Variants in KIF4A observed in about 807,000 individuals in gnomAD.
The protein encoded by KIF4A is chromosome-associated kinesin KIF4A.
Under a neutral mutation model 105.9 loss-of-function variants are expected in KIF4A, and 7 were observed. That is an observed-to-expected ratio of 0.07 (90% CI 0.04 to 0.12). The LOEUF (loss-of-function observed/expected upper bound fraction) is 0.12. KIF4A is among the 10% of genes least tolerant of loss of function. The pLI is 1.00. For missense variants in KIF4A, 558 were observed against 929.2 expected (o/e 0.60, Z 5.19); for synonymous variants, 281 against 331.3 (o/e 0.85, Z 1.65).
intron 25 of KIF4A, among the ~76,000 whole-genome samples, chrX:70,405,528 C>T (rs2086296829): frequency 9.0e-6 from 1 of 111,169 alleles, no homozygotes; most frequent in African/African-American, 3.3e-5. Context: ...AATCAGCATC[C>T]GAATGTGAAT....
chrX:70,389,746 A>G (rs746757472), intron 20 of KIF4A, among the ~76,000 whole-genome samples: 2 of 112,399 alleles, frequency 1.8e-5, no homozygotes, highest in Non-Finnish European at 3.8e-5. Flanking sequence ...CTATATGTCT[A>G]TTTTTATGCC....
intron 13 of KIF4A, among the ~76,000 whole-genome samples, chrX:70,352,226 A>G (rs957564870): frequency 8.9e-6 from 1 of 112,479 alleles, no homozygotes; most frequent in Admixed American, 9.4e-5. Context: ...TAATAGAGGT[A>G]TACTAAGCGG....
intron 7 of KIF4A, among the ~76,000 whole-genome samples, chrX:70,316,514 C>T (rs868421759): frequency 1.9e-3 from 177 of 90,787 alleles, no homozygotes; most frequent in Non-Finnish European, 3.1e-3. Context: ...ATACATATTA[C>T]ACATAAATAT....
At chrX:70,296,963 A>G in intron 3 of KIF4A, 35 bp from the exon 4 acceptor site, 1 of 1,171,264 alleles carries the variant, frequency 8.5e-7, no homozygotes. Flanking sequence ...GAAAATGTTT[A>G]AACACCACTA....
intron 15 of KIF4A, among the ~76,000 whole-genome samples, chrX:70,366,554 T>C (rs1245263605): frequency 1.8e-5 from 2 of 112,230 alleles, no homozygotes; most frequent in Non-Finnish European, 3.8e-5. Flanking sequence ...TTCCATGTAG[T>C]TGAGCAGTTT....
intron 15 of KIF4A, among the ~76,000 whole-genome samples, chrX:70,369,783 A>AAC (rs958534925): frequency 9.0e-6 from 1 of 111,262 alleles, no homozygotes; most frequent in African/African-American, 3.2e-5. Flanking sequence ...ATTTGGTATA[A>AAC]ACACACACGT....
intron 20 of KIF4A, among the ~76,000 whole-genome samples, chrX:70,392,858 A>ATT (rs1469429584): frequency 6.5e-4 from 62 of 95,621 alleles, no homozygotes; most frequent in South Asian, 2.7e-3. Flanking sequence ...TAATAATAAT[A>ATT]ATTATTATTA....
At chrX:70,396,751 T>C (rs760643547) in intron 22 of KIF4A, among the ~76,000 whole-genome samples, 65 of 112,306 alleles carry the variant, frequency 5.8e-4, no homozygotes, top group African/African-American at 2.0e-3. Flanking sequence ...ATTAGTAAAG[T>C]GCATAACAGT....
intron 15 of KIF4A, chrX:70,362,210 C>G (rs1375701557): frequency 3.1e-6 from 1 of 324,860 alleles, no homozygotes; most frequent in African/African-American, 2.7e-5. Context: ...CCAGATAGAC[C>G]TCTCTCTGGT....
chrX:70,367,377 A>C (rs2086109146), intron 15 of KIF4A, among the ~76,000 whole-genome samples: 1 of 111,666 alleles, frequency 9.0e-6, no homozygotes. Context: ...ATGTTTTTGC[A>C]GTGGCTGGTC....
In KIF4A at chrX:70,396,050, G is replaced by A; in HGVS notation, c.2489+1G>A. On this transcript the variant is annotated splice_donor_variant, in intron 22 of 30. Coordinates refer to ENST00000374403, the MANE Select transcript of KIF4A (RefSeq NM_012310.5). LOFTEE classifies it high-confidence loss of function. ...GCCTAGAGACTGAAATGGAATTCAG[G>A]TAACAGGGACTATCTCTAAGCCATT... 8.7e-7 allele frequency: 1 copy of A among 1,149,304 alleles called. No individual in the cohort carries two copies. Among genetic ancestry groups the A allele is most frequent in the Non-Finnish European group, 1.2e-6 (1 of 841,691 alleles). 94.7% of individuals were successfully genotyped at this position (1,149,304 alleles called of 1,213,427 possible).
chrX:70,393,959 G>T (rs1350655005), intron 20 of KIF4A, among the ~76,000 whole-genome samples: 1 of 99,834 alleles, frequency 1.0e-5, no homozygotes, highest in Non-Finnish European at 2.0e-5. Context: ...TTAACCTCTT[G>T]GGCTCAAATG....
chrX:70,376,644 G>A, intron 18 of KIF4A, among the ~76,000 whole-genome samples: 1 of 111,980 alleles, frequency 8.9e-6, no homozygotes, highest in Admixed American at 9.5e-5. Context: ...CAGATAGATA[G>A]ATCAAAGAAA....
chrX:70,400,311 ATGATTTCCAATTT>A (rs1275213965), intron 22 of KIF4A, among the ~76,000 whole-genome samples: 1 of 110,572 alleles, frequency 9.0e-6, no homozygotes, highest in Admixed American at 9.7e-5. Context: ...ACTGAGAATG[ATGATTTCCAATTT>A]CATCCATGTC....
chrX:70,378,723 T>G (rs2086184817), intron 18 of KIF4A, among the ~76,000 whole-genome samples: 1 of 14,700 alleles, frequency 6.8e-5, no homozygotes, highest in Admixed American at 1.1e-3. Flanking sequence ...AGCGAAACTG[T>G]CTCAAAAAAA....
intron 9 of KIF4A, 63 bp from the exon 10 acceptor site, chrX:70,333,565 C>A: frequency 1.3e-6 from 1 of 793,734 alleles, no homozygotes; most frequent in Non-Finnish European, 1.9e-6. Flanking sequence ...GGTAATTTTA[C>A]TGCCAAGGGT....
chrX:70,387,634 G>T (rs893253846), intron 20 of KIF4A, among the ~76,000 whole-genome samples: 1 of 112,024 alleles, frequency 8.9e-6, no homozygotes, highest in African/African-American at 3.2e-5. Context: ...TTGGGAGGCC[G>T]AGGTGGGCAG....
chrX:70,314,855 C>G (rs761265293), intron 7 of KIF4A, among the ~76,000 whole-genome samples: 9 of 111,069 alleles, frequency 8.1e-5, no homozygotes, highest in Admixed American at 2.9e-4. Context: ...GTGTCATATG[C>G]TTCAGTGTGA....
At chrX:70,336,490 C>T (rs2085951099) in intron 10 of KIF4A, among the ~76,000 whole-genome samples, 1 of 111,703 alleles carries the variant, frequency 9.0e-6, no homozygotes, top group Non-Finnish European at 1.9e-5. Flanking sequence ...TATGAGAAAG[C>T]CTGTTTCCCC....
Sources: allele counts gnomAD v4.1 joint callset (sites outside exome capture counted in the v4.1 genomes callset), GRCh38; gene constraint gnomAD v4.1.1; transcripts MANE v1.5; gene names NCBI Gene and HGNC (gene_info 2026-07-23, HGNC 2026-07-21).